Variants in NEBL observed in about 807,000 individuals in gnomAD.
The protein encoded by NEBL is LIM and SH3 protein 2.
A neutral mutation model predicts 140.2 loss-of-function variants in NEBL; 122 were observed. The ratio of observed to expected loss-of-function variants is 0.87; its 90% confidence interval spans 0.75 to 1.01. The LOEUF (loss-of-function observed/expected upper bound fraction) is 1.01, where lower values mean the gene tolerates loss of function less well. NEBL is among the 50% of genes least tolerant of loss of function. The pLI is 0.00. For synonymous variants in NEBL, 436 were observed against 398.9 expected (o/e 1.09, Z -1.11); for missense variants, 1,365 against 1,231.3 (o/e 1.11, Z -1.62).
intron 2 of NEBL, among the ~76,000 whole-genome samples, chr10:21,169,297 C>G (rs1361377068): frequency 6.6e-6 from 1 of 151,332 alleles, no homozygotes; most frequent in East Asian, 1.9e-4. Flanking sequence ...CATGTATATA[C>G]ATTGACTCCT....
In NEBL at chr10:21,180,539, G is replaced by A. The variant is rs562539528; in HGVS notation, n.349-8062C>T. ...TTCTCCATTTAATTTTGCACAGGTAGACACAAGCATTCTAGGTAGTTTGCA... is the reference window on the plus strand; with the variant it reads ...TTCTCCATTTAATTTTGCACAGGTAAACACAAGCATTCTAGGTAGTTTGCA... On this transcript the variant is annotated intron_variant and non_coding_transcript_variant, in intron 3 of 8. Coordinates refer to the NEBL transcript ENST00000675702. Among the ~76,000 whole-genome samples, 662 of 152,230 alleles carry A rather than the reference G, an allele frequency of 4.3e-3. 3 individuals are homozygous for A. Among genetic ancestry groups the A allele is most frequent in the Non-Finnish European group, 7.5e-3 (508 of 68,032 alleles).
chr10:20,854,842 G>C (rs2131096614), intron 9 of NEBL, among the ~76,000 whole-genome samples: 1 of 152,210 alleles, frequency 6.6e-6, no homozygotes, highest in Admixed American at 6.5e-5. Context: ...TGGAATTACA[G>C]ACAGGAGCTA....
rs574477436 is a variant in NEBL at position 21,036,950 on chromosome 10, G to A, written c.165-16749C>T. 1.1e-4 allele frequency among the ~76,000 whole-genome samples: 17 copies of A among 152,162 alleles called. No homozygotes were observed. In the South Asian group the frequency reaches 1.5e-3, roughly 13 times the overall value. ...AGCCCTCCTTGCTTTTGTTTGTTTC[G>A]TTTTGTTTATTCCAGAAACTCCAGA... On this transcript the variant is annotated intron_variant, in intron 2 of 6. Coordinates refer to the NEBL transcript ENST00000417816.
At chr10:21,081,780 G>C (rs1456711834) in intron 2 of NEBL, among the ~76,000 whole-genome samples, 1 of 152,194 alleles carries the variant, frequency 6.6e-6, no homozygotes, top group Non-Finnish European at 1.5e-5. Flanking sequence ...AAGAATGATG[G>C]AATTGTGTCA....
At chr10:20,904,592 G>C (rs1848011699) in intron 4 of NEBL, among the ~76,000 whole-genome samples, 1 of 152,124 alleles carries the variant, frequency 6.6e-6, no homozygotes, top group African/African-American at 2.4e-5. Context: ...TTTTGGTTTT[G>C]TTTTATTTTC....
chr10:21,235,678 T>C (rs189731589), intron 3 of NEBL, among the ~76,000 whole-genome samples: 25 of 152,312 alleles, frequency 1.6e-4, no homozygotes, highest in African/African-American at 3.6e-4. Flanking sequence ...GCATAAGTCA[T>C]TGGGGGCAGC....
chr10:20,915,195 T>C (rs375129534), intron 4 of NEBL, among the ~76,000 whole-genome samples: 108 of 152,198 alleles, frequency 7.1e-4, no homozygotes, highest in Middle Eastern at 3.4e-3. Flanking sequence ...TAATAACACT[T>C]CACCAACAAA....
intron 3 of NEBL, among the ~76,000 whole-genome samples, chr10:21,235,806 T>A (rs1842340379): frequency 6.6e-6 from 1 of 152,206 alleles, no homozygotes; most frequent in African/African-American, 2.4e-5. Context: ...GGATCAGGGA[T>A]GTGTCAAGAC....
chr10:20,840,720 G>A lies in NEBL; in HGVS notation c.1338+19C>T, dbSNP rs2130970836. The A allele has an allele frequency of 2.0e-6, 3 of 1,501,582 alleles. No individual in the cohort carries two copies. The highest frequency in any genetic ancestry group is 2.8e-6 in the Non-Finnish European group (3 of 1,078,552). The allele number at this position is 1,501,582 out of a possible 1,614,324, so 93.0% of individuals were successfully genotyped here. On this transcript the variant is annotated intron_variant, in intron 13 of 27. Coordinates refer to ENST00000377122, the MANE Select transcript of NEBL (RefSeq NM_006393.3). ...AGCTAAAAACATATTCATCTAAGGT[G>A]TTAAATAAACATACTCACCTCACTT...
At chr10:21,099,538 T>C (rs1564511005) in intron 2 of NEBL, among the ~76,000 whole-genome samples, 1 of 152,234 alleles carries the variant, frequency 6.6e-6, no homozygotes, top group South Asian at 2.1e-4. Context: ...TCTGCTTTTA[T>C]TTATTTCATC....
At chr10:21,137,454 G>A (rs1044483501) in intron 2 of NEBL, among the ~76,000 whole-genome samples, 5 of 152,154 alleles carry the variant, frequency 3.3e-5, no homozygotes, top group Non-Finnish European at 7.3e-5. Flanking sequence ...GACCAATCTG[G>A]TTTTGCCCTG....
intron 2 of NEBL, among the ~76,000 whole-genome samples, chr10:20,895,095 A>C (rs1847364245): frequency 6.6e-6 from 1 of 152,100 alleles, no homozygotes; most frequent in Admixed American, 6.5e-5. Context: ...CATAATGATA[A>C]AGGCCACCAC....
chr10:20,893,946 A>T (rs1471386581), intron 2 of NEBL, among the ~76,000 whole-genome samples: 1 of 152,198 alleles, frequency 6.6e-6, no homozygotes, highest in African/African-American at 2.4e-5. Context: ...AGCTTTCTGC[A>T]GCTCCCAAGT....
At chr10:21,024,405 C>T (rs1319391412) in intron 2 of NEBL, among the ~76,000 whole-genome samples, 1 of 151,536 alleles carries the variant, frequency 6.6e-6, no homozygotes, top group East Asian at 1.9e-4. Flanking sequence ...GAATTTATAC[C>T]TGAAACTACC....
At chr10:20,983,958 C>T (rs1296970253) in intron 3 of NEBL, among the ~76,000 whole-genome samples, 2 of 152,024 alleles carry the variant, frequency 1.3e-5, no homozygotes, top group Non-Finnish European at 2.9e-5. Context: ...AGTAATGACC[C>T]TAATATATCT....
chr10:20,942,170 G>A (rs1186176596), intron 4 of NEBL, among the ~76,000 whole-genome samples: 34 of 152,220 alleles, frequency 2.2e-4, no homozygotes, highest in East Asian at 1.5e-3. Flanking sequence ...GAGGCATCAC[G>A]CTACCTGACT....
intron 2 of NEBL, among the ~76,000 whole-genome samples, chr10:21,075,299 A>G (rs1463947169): frequency 2.0e-5 from 3 of 152,204 alleles, no homozygotes. Flanking sequence ...AAAGCCCAGT[A>G]GTTTCTTTGC....
At chr10:20,789,028 A>C (rs1173013333) in intron 26 of NEBL, among the ~76,000 whole-genome samples, 1 of 152,192 alleles carries the variant, frequency 6.6e-6, no homozygotes, top group Non-Finnish European at 1.5e-5. Flanking sequence ...CACTATGTTC[A>C]AGGCATGCCA....
chr10:20,792,123 G>GAAAAAAAAAAAAAAAA (rs11286684), intron 26 of NEBL, among the ~76,000 whole-genome samples: 1 of 106,762 alleles, frequency 9.4e-6, no homozygotes. Flanking sequence ...ATTCCAAATA[G>GAAAAAAAAAAAAAAAA]AAAAAAAAAA....
Sources: gnomAD v4.1 joint callset for allele counts (sites outside exome capture counted in the v4.1 genomes callset) on GRCh38, gnomAD v4.1.1 for gene constraint, MANE v1.5 for transcripts, NCBI Gene and HGNC (gene_info 2026-07-23, HGNC 2026-07-21) for gene names.